ABHD3: variants seen among roughly 807,000 people sequenced by gnomAD.
The protein encoded by ABHD3 is phospholipase ABHD3.
ABHD3 carries 46 observed loss-of-function variants against 48.8 expected under a neutral mutation model. The ratio of observed to expected loss-of-function variants is 0.94; its 90% CI spans 0.74 to 1.20. ABHD3 has a LOEUF of 1.20. Ranked by LOEUF, ABHD3 falls within the 50% of genes most tolerant of loss-of-function variation. ABHD3 has a pLI of 0.00. For missense variants in ABHD3, 490 were observed against 497.8 expected (o/e 0.98, Z 0.15); for synonymous variants, 192 against 183.7 (o/e 1.04, Z -0.36).
At chr18:21,667,318 C>A (rs955613663) in intron 4 of ABHD3, among the ~76,000 whole-genome samples, 1 of 143,868 alleles carries the variant, frequency 7.0e-6, no homozygotes, top group Non-Finnish European at 1.5e-5. Context: ...GATCTCGGCT[C>A]ACCGCAACCT....
intron 8 of ABHD3, chr18:21,655,114 T>C (rs1347856828): frequency 1.3e-5 from 2 of 152,038 alleles, no homozygotes; most frequent in Non-Finnish European, 2.9e-5. Context: ...CACAATAAAA[T>C]AGGATCTCCT....
At chr18:21,698,010 G>A (rs1415148342) in intron 3 of ABHD3, among the ~76,000 whole-genome samples, 1 of 151,868 alleles carries the variant, frequency 6.6e-6, no homozygotes, top group African/African-American at 2.4e-5. Context: ...TACACAAATA[G>A]TAACTGGGAC....
At chr18:21,656,690 G>A (rs993997602) in intron 8 of ABHD3, among the ~76,000 whole-genome samples, 171 bp downstream of exon 8, 20 of 152,046 alleles carry the variant, frequency 1.3e-4, no homozygotes, top group Non-Finnish European at 4.4e-5. Flanking sequence ...ACTAGATAAG[G>A]GTCTGTGAAA....
At chr18:21,689,032 C>T (rs571516374) in intron 3 of ABHD3, among the ~76,000 whole-genome samples, 1 of 152,124 alleles carries the variant, frequency 6.6e-6, no homozygotes, top group Admixed American at 6.5e-5. Context: ...TCCTTTAGGG[C>T]CAAACTTTCC....
rs139550487 is a variant in ABHD3, at chr18:21,703,697, G to T, written c.213C>A (p.Asp71Glu). ...ACGTTTCTGTAACCACGGGACAGTG[G>T]TCTTGAAGGAAGCGGCTGAAACTCT... is the stretch of plus-strand genomic sequence containing the variant. ...GGESFSRFLQ[D>E]HCPVVTETYY... Residue 71 changes from aspartate to glutamate, a missense_variant, in exon 2 of 9, where the codon GAC becomes GAA. Coordinates refer to ENST00000289119, the MANE Select transcript of ABHD3 (RefSeq NM_138340.5). 63 of 1,614,054 alleles carry T rather than the reference G, an allele frequency of 3.9e-5. No homozygotes were observed. In the African/African-American group the frequency reaches 7.9e-4, roughly 20 times the overall value.
chr18:21,660,432 A>C lies in ABHD3; in HGVS notation c.669-1089T>G, dbSNP rs530535273. Among the ~76,000 whole-genome samples the C allele has an allele frequency of 1.6e-4, 25 of 152,212 alleles. 1 individual carries two copies. In the South Asian group the frequency reaches 5.2e-3, roughly 32 times the overall value. On this transcript the variant is annotated intron_variant, in intron 5 of 8. Coordinates refer to ENST00000289119, the MANE Select transcript of ABHD3 (RefSeq NM_138340.5). ...GTTATTTGTCCTTATTTCCTAACAC[A>C]TATTTTCTTCTGTTCTTTTTGTTCT...
chr18:21,675,847 C>A (rs1385654458), intron 4 of ABHD3, among the ~76,000 whole-genome samples: 2 of 152,134 alleles, frequency 1.3e-5, no homozygotes, highest in African/African-American at 4.8e-5. Flanking sequence ...AATCCCAGCA[C>A]TTTGGGAGGC....
At chr18:21,657,079 G>A (rs1291430740) in intron 7 of ABHD3, 25 bp downstream of exon 7, 1 of 1,613,746 alleles carries the variant, frequency 6.2e-7, no homozygotes, top group South Asian at 1.1e-5. Context: ...AGAAATAAAA[G>A]TATTACATAA....
At chr18:21,674,437 A>G (rs992287043) in intron 4 of ABHD3, among the ~76,000 whole-genome samples, 2 of 151,802 alleles carry the variant, frequency 1.3e-5, no homozygotes, top group African/African-American at 4.8e-5. Context: ...TTGTAGAGAC[A>G]AGGTCTCATT....
intron 4 of ABHD3, among the ~76,000 whole-genome samples, chr18:21,677,510 T>C (rs2039911818): frequency 6.6e-6 from 1 of 152,062 alleles, no homozygotes; most frequent in East Asian, 1.9e-4. Flanking sequence ...CCAGCCGACT[T>C]CATTCCTTTT....
intron 3 of ABHD3, among the ~76,000 whole-genome samples, chr18:21,685,679 C>A (rs562400731): frequency 3.9e-5 from 6 of 152,216 alleles, no homozygotes; most frequent in South Asian, 2.1e-4. Flanking sequence ...CAGGTGCACA[C>A]CAACACGGCT....
chr18:21,690,689 A>G (rs972077440), intron 3 of ABHD3, among the ~76,000 whole-genome samples: 9 of 122,446 alleles, frequency 7.4e-5, no homozygotes, highest in African/African-American at 4.8e-4. Flanking sequence ...ATTGTCAGAC[A>G]GGATTTAAAA....
In ABHD3 at chr18:21,694,365, G is replaced by A. The variant is rs561889189; in HGVS notation, c.509+7951C>T. ...GCCGGCCTTGGCCTCCCAAAGTGCTGGGATTACAGGCGTGAGCCACTGTGC... is the reference window on the plus strand; with the variant it reads ...GCCGGCCTTGGCCTCCCAAAGTGCTAGGATTACAGGCGTGAGCCACTGTGC... On this transcript the variant is annotated intron_variant, in intron 3 of 8. Transcript: ENST00000289119. Among the ~76,000 whole-genome samples, 4 of 152,292 alleles carry A rather than the reference G, an allele frequency of 2.6e-5. No individual in the cohort carries two copies. The East Asian group carries it at 7.7e-4, about 29-fold the overall frequency.
At chr18:21,684,226 C>T (rs1398198658) in intron 3 of ABHD3, among the ~76,000 whole-genome samples, 1 of 151,918 alleles carries the variant, frequency 6.6e-6, no homozygotes, top group African/African-American at 2.4e-5. Context: ...TAGACTATTT[C>T]CAACTTCTTC....
chr18:21,703,839 G>T, intron 1 of ABHD3, 92 bp from the exon 2 acceptor site: 9 of 1,430,756 alleles, frequency 6.3e-6, no homozygotes, highest in Non-Finnish European at 7.7e-6. Context: ...GCTCGCGCGC[G>T]CGCTTCCTCC....
intron 4 of ABHD3, among the ~76,000 whole-genome samples, chr18:21,679,687 C>G (rs1404887033): frequency 1.3e-5 from 2 of 152,094 alleles, no homozygotes; most frequent in Non-Finnish European, 2.9e-5. Flanking sequence ...TGCCACCATG[C>G]CCGGCTATTT....
At chr18:21,684,037 CT>C in intron 3 of ABHD3, 72 bp from the exon 4 acceptor site, 1 of 1,327,206 alleles carries the variant, frequency 7.5e-7, no homozygotes, top group South Asian at 1.4e-5. Context: ...TTAAAGTCAT[CT>C]TACTGACACT....
At position 21,690,801 on chromosome 18, in the gene ABHD3, C is replaced by T. The variant is rs558065193; in HGVS notation, c.510-6836G>A. On this transcript the variant is annotated intron_variant, in intron 3 of 8. Coordinates refer to ENST00000289119, the MANE Select transcript of ABHD3 (RefSeq NM_138340.5). Reference sequence around the variant, plus strand: ...CCTGAGGTCAGGAGTTTGAAACCAGCCTGGCCAACATGGTGAAACCCCGTC... The same window carrying T: ...CCTGAGGTCAGGAGTTTGAAACCAGTCTGGCCAACATGGTGAAACCCCGTC... Among the ~76,000 whole-genome samples the T allele has an allele frequency of 6.8e-4, 104 of 151,850 alleles. No homozygotes were observed. In the Middle Eastern group the frequency reaches 0.01, roughly 15 times the overall value.
In ABHD3 at chr18:21,683,563, G is replaced by A. The variant is rs1344472820; in HGVS notation, c.555+357C>T. 3 of 509,672 alleles carry A rather than the reference G, an allele frequency of 5.9e-6. No homozygotes were observed. In the East Asian group the frequency reaches 1.8e-4, roughly 30 times the overall value. The allele number at this position is 509,672 out of a possible 1,614,324, so 31.6% of individuals were successfully genotyped here. On this transcript the variant is annotated intron_variant, in intron 4 of 8. Coordinates refer to ENST00000289119, the MANE Select transcript of ABHD3 (RefSeq NM_138340.5). ...CCAGTTCTTCCCAGAGTCAGGAAAA[G>A]CTGGGTTGAGAGGGTAGAAAAAAAA...
Sources: allele counts gnomAD v4.1 joint callset (sites outside exome capture counted in the v4.1 genomes callset), GRCh38; gene constraint gnomAD v4.1.1; transcripts MANE v1.5; gene names NCBI Gene and HGNC (gene_info 2026-07-23, HGNC 2026-07-21).